PPP1R13B: variants seen among roughly 807,000 people sequenced by gnomAD.
PPP1R13B encodes the protein protein phosphatase 1 regulatory subunit 13B.
PPP1R13B carries 44 observed loss-of-function variants against 119.8 expected under a neutral mutation model. The ratio of observed to expected loss-of-function variants is 0.37; its 90% confidence interval spans 0.29 to 0.47. PPP1R13B has a LOEUF of 0.47. Ranked by LOEUF, PPP1R13B falls within the 20% of genes least tolerant of loss-of-function variation. PPP1R13B has a pLI of 0.99. For synonymous variants in PPP1R13B, 542 were observed against 561.5 expected, an observed-to-expected ratio of 0.97 and a Z score of 0.49; for missense variants, 1,227 against 1,413.5, an observed-to-expected ratio of 0.87 and a Z score of 2.12.
At chr14:103,791,793 A>AT (rs1312595821) in intron 2 of PPP1R13B, among the ~76,000 whole-genome samples, 3 of 152,156 alleles carry the variant, frequency 2.0e-5, no homozygotes, top group Admixed American at 6.6e-5. Flanking sequence ...TGAAAGTAGC[A>AT]TTTTTTTATA....
chr14:103,806,684 C>A (rs2086025366), intron 1 of PPP1R13B, among the ~76,000 whole-genome samples: 2 of 152,166 alleles, frequency 1.3e-5, no homozygotes, highest in Non-Finnish European at 2.9e-5. Context: ...ATCTCACTTT[C>A]CTCAATTAGC....
At position 103,762,885 on chromosome 14, in the gene PPP1R13B, TG is replaced by T. The variant is rs2084843266; in HGVS notation, c.355-5135del. On this transcript the variant is annotated intron_variant, in intron 4 of 16. Coordinates refer to ENST00000202556, the MANE Select transcript of PPP1R13B (RefSeq NM_015316.3). ...AGTTCAAAAGAAGGACAAGACACAGTGGAATCAGAGCAAATTTCCATCAGGA... is the reference window on the plus strand; with the variant it reads ...AGTTCAAAAGAAGGACAAGACACAGTGAATCAGAGCAAATTTCCATCAGGA... The T allele has an allele frequency of 1.7e-5, 17 of 1,010,844 alleles. 1 individual carries two copies. Among genetic ancestry groups the T allele is most frequent in the Non-Finnish European group, 2.4e-5 (16 of 653,492 alleles). The allele number at this position is 1,010,844 out of a possible 1,614,324, so 62.6% of individuals were successfully genotyped here.
intron 4 of PPP1R13B, among the ~76,000 whole-genome samples, chr14:103,761,274 TAAAAAAAAAAAAAAAAA>T (rs59281762): frequency 9.6e-6 from 1 of 104,708 alleles, no homozygotes; most frequent in Non-Finnish European, 1.9e-5. Context: ...ACCCTATATT[TAAAAAAAAAAAAAAAAA>T]AAAAAAAAGA....
intron 1 of PPP1R13B, among the ~76,000 whole-genome samples, chr14:103,816,807 AAAC>A (rs1451771258): frequency 6.6e-6 from 1 of 152,224 alleles, no homozygotes; most frequent in Non-Finnish European, 1.5e-5. Context: ...CTGGGGCTTA[AAAC>A]AACAAAGATA....
At chr14:103,831,070 A>AGTAGCTG (rs2086655297) in intron 1 of PPP1R13B, among the ~76,000 whole-genome samples, 1 of 151,698 alleles carries the variant, frequency 6.6e-6, no homozygotes. Context: ...CGGCCTGCCA[A>AGTAGCTG]GTAGCTGGGA....
At chr14:103,843,071 TC>T (rs2152089520) in intron 1 of PPP1R13B, among the ~76,000 whole-genome samples, 1 of 152,106 alleles carries the variant, frequency 6.6e-6, no homozygotes, top group African/African-American at 2.4e-5. Context: ...CCACACTCTT[TC>T]AAAAAGAAAC....
chr14:103,735,425 A>G (rs2084079025), intron 16 of PPP1R13B, among the ~76,000 whole-genome samples: 1 of 152,162 alleles, frequency 6.6e-6, no homozygotes, highest in South Asian at 2.1e-4. Flanking sequence ...CATGCCACCT[A>G]AAGACTTGTG....
chr14:103,779,129 A>G (rs143246918), intron 3 of PPP1R13B, among the ~76,000 whole-genome samples: 55 of 152,008 alleles, frequency 3.6e-4, no homozygotes, highest in Middle Eastern at 3.4e-3. Flanking sequence ...TTCCACAATA[A>G]ATATTTTAAA....
rs570738459 is a variant in PPP1R13B at position 103,742,166 on chromosome 14, C to T, written c.1446G>A (p.Arg482=). 4.3e-6 allele frequency: 7 copies of T among 1,609,498 alleles called. No homozygotes were observed. The highest frequency in any genetic ancestry group is 5.1e-6 in the Non-Finnish European group (6 of 1,180,004). Residue 482 remains arginine, a synonymous_variant, in exon 11 of 17, where the codon AGG becomes AGA. Coordinates refer to ENST00000202556, the MANE Select transcript of PPP1R13B (RefSeq NM_015316.3). This position sits in a 1 kb window ranked among gnomAD's most constrained non-coding sequence, Gnocchi z 4.9. ...TGGGCCTGGGCAAGCTGCCTTCCTT[C>T]CTCCTTTCCAGGGAGCTTGTCGACC... ...GPGSTSSLER[R]KEGSLPRPSA... is the part of the protein sequence containing the mutation.
intron 2 of PPP1R13B, among the ~76,000 whole-genome samples, chr14:103,787,650 ATTTTTTTT>A (rs751638213): frequency 3.5e-5 from 4 of 113,666 alleles, no homozygotes; most frequent in Non-Finnish European, 7.1e-5. Context: ...TAATTGCTAC[ATTTTTTTT>A]TTTTTTTTTT....
Position 103,742,256 on chromosome 14 carries a change from C to T in PPP1R13B, c.1356G>A (p.Pro452=), listed in dbSNP as rs377622361. 1.4e-4 allele frequency: 225 copies of T among 1,579,014 alleles called. No individual in the cohort carries two copies. Among genetic ancestry groups the T allele is most frequent in the Non-Finnish European group, 1.9e-4 (220 of 1,168,336 alleles). ...TTGGAGGCAGCTGCTTGCCTACACCCGGGATGGGAGGTGGCACTTTACCAA... is the reference window on the plus strand; with the variant it reads ...TTGGAGGCAGCTGCTTGCCTACACCTGGGATGGGAGGTGGCACTTTACCAA... ...IEIGKVPPPI[P]GVGKQLPPSY... The change falls in exon 11 of 17, where the codon CCG becomes CCA. Residue 452 remains proline (P), a synonymous_variant. Transcript: ENST00000202556. This position sits in a 1 kb window ranked among gnomAD's most constrained non-coding sequence, Gnocchi z 4.9.
At chr14:103,821,464 G>A (rs2086405669) in intron 1 of PPP1R13B, among the ~76,000 whole-genome samples, 1 of 152,170 alleles carries the variant, frequency 6.6e-6, no homozygotes, top group Non-Finnish European at 1.5e-5. Flanking sequence ...TATAAATACA[G>A]AGGAGCACTG....
chr14:103,734,105 G>A lies in PPP1R13B; in HGVS notation c.*1049C>T, dbSNP rs1056027267. On this transcript the variant is annotated 3_prime_UTR_variant, in exon 17 of 17. Transcript: ENST00000202556. ...CGTACAATTCACACCTCAGTGAAGC[G>A]CCCTCCTTGCCTTGAGGCTGGGCCT... The A allele has an allele frequency of 9.7e-5, 20 of 205,416 alleles. No individual in the cohort carries two copies. The highest frequency in any genetic ancestry group is 6.6e-4 in the Admixed American group (13 of 19,614). The allele number at this position is 205,416 out of a possible 1,614,324, so 12.7% of individuals were successfully genotyped here.
At chr14:103,774,281 A>C (rs941475) in intron 4 of PPP1R13B, among the ~76,000 whole-genome samples, 87,781 of 151,946 alleles carry the variant, frequency 0.58, 27,237 homozygotes, top group African/African-American at 0.83. Context: ...AGATTTTAAA[A>C]CTGCTTGGCT....
At chr14:103,757,884 C>A (rs2151987161) in intron 4 of PPP1R13B, 133 bp from the exon 5 acceptor site, 1 of 569,146 alleles carries the variant, frequency 1.8e-6, no homozygotes, top group East Asian at 3.1e-5. Flanking sequence ...AGTTTATTTT[C>A]TTGTAAGAAC....
chr14:103,848,199 TC>T (rs1302770397), upstream of PPP1R13B: 1 of 970,704 alleles, frequency 1.0e-6, no homozygotes, highest in Non-Finnish European at 1.2e-6. Flanking sequence ...CCGCACCAGC[TC>T]CCGAGCCTTG....
At chr14:103,807,635 A>G (rs1220595357) in intron 1 of PPP1R13B, among the ~76,000 whole-genome samples, 1 of 151,954 alleles carries the variant, frequency 6.6e-6, no homozygotes, top group African/African-American at 2.4e-5. Flanking sequence ...GCTAGGACAA[A>G]AAGTGCCTGC....
At position 103,742,195 on chromosome 14, in the gene PPP1R13B, G is replaced by A; in HGVS notation, c.1417C>T (p.Pro473Ser). 6.2e-7 allele frequency: 1 copy of A among 1,604,580 alleles called. No individual in the cohort carries two copies. Among genetic ancestry groups the A allele is most frequent in the Non-Finnish European group, 8.5e-7 (1 of 1,179,960 alleles). ...GTYPSPTPLG[P>S]GSTSSLERRK... ...CTTTCCAGGGAGCTTGTCGACCCAG[G>A]ACCCAGAGGTGTAGGACTTGGGTAT... Residue 473 changes from proline to serine, a missense_variant, in exon 11 of 17, where the codon CCT becomes TCT. Physicochemically the swap from Pro to Ser is moderately conservative, Grantham distance 74. Coordinates refer to ENST00000202556, the MANE Select transcript of PPP1R13B (RefSeq NM_015316.3). This position sits in a 1 kb window ranked among gnomAD's most constrained non-coding sequence, Gnocchi z 4.9.
chr14:103,791,113 A>G (rs1329058071), intron 2 of PPP1R13B, among the ~76,000 whole-genome samples: 11 of 125,932 alleles, frequency 8.7e-5, no homozygotes, highest in Non-Finnish European at 1.8e-4. Flanking sequence ...TATGCTGCTG[A>G]CTTTTTTCTT....
Sources: gnomAD v4.1 joint callset for allele counts (sites outside exome capture counted in the v4.1 genomes callset) on GRCh38, gnomAD v4.1.1 for gene constraint, Gnocchi (gnomAD v3.1) non-coding constraint, MANE v1.5 for transcripts, NCBI Gene and HGNC (gene_info 2026-07-23, HGNC 2026-07-21) for gene names.